NCOA1: variants seen among roughly 807,000 people sequenced by gnomAD.
NCOA1 encodes the protein Hin-2 protein.
A neutral mutation model predicts 150.9 loss-of-function variants in NCOA1; 35 were observed. The observed-to-expected ratio is 0.23, with a 90% CI of 0.18 to 0.31. The LOEUF (loss-of-function observed/expected upper bound fraction) is 0.31. Among genes scored for constraint, NCOA1 ranks in the 10% least tolerant of loss-of-function variants. The pLI, the probability that NCOA1 is intolerant of heterozygous loss-of-function variation, is 1.00. For missense variants in NCOA1, 1,491 were observed against 1,749.3 expected, an observed-to-expected ratio of 0.85 and a Z score of 2.63; for synonymous variants, 590 against 630.0, an observed-to-expected ratio of 0.94 and a Z score of 0.95.
intron 12 of NCOA1, 71 bp from the exon 13 acceptor site, chr2:24,706,497 A>G: frequency 6.9e-7 from 1 of 1,452,838 alleles, no homozygotes; most frequent in Non-Finnish European, 9.2e-7. Context: ...TTGTTTTAGA[A>G]TATGTATCAT....
intron 1 of NCOA1, among the ~76,000 whole-genome samples, chr2:24,540,486 T>G (rs1471309396): frequency 1.3e-5 from 2 of 151,684 alleles, no homozygotes; most frequent in Non-Finnish European, 1.5e-5. Flanking sequence ...GAGACGGAGT[T>G]TCGCTTTTGT....
intron 1 of NCOA1, among the ~76,000 whole-genome samples, chr2:24,551,663 G>C (rs1665836864): frequency 6.6e-6 from 1 of 152,088 alleles, no homozygotes; most frequent in Non-Finnish European, 1.5e-5. Flanking sequence ...TGGCAGAGTT[G>C]GGTAGTTTCA....
intron 2 of NCOA1, among the ~76,000 whole-genome samples, chr2:24,576,173 T>C (rs1187126858): frequency 2.4e-5 from 1 of 40,926 alleles, no homozygotes. Flanking sequence ...GTTTTTTGTT[T>C]TTTTTTTTTT....
In NCOA1 at chr2:24,498,962, A is replaced by C. The variant is rs1352144636; in HGVS notation, c.-396+7360A>C. Among the ~76,000 whole-genome samples, 5 of 152,054 alleles carry C rather than the reference A, an allele frequency of 3.3e-5. No homozygotes were observed. In the South Asian group the frequency reaches 1.0e-3, roughly 32 times the overall value. ...ACAGATTATATGGTTTTTTTTTTGA[A>C]TAGAAGTTGGTACAAAATCTTTTTC... is the stretch of plus-strand genomic sequence containing the variant. On this transcript the variant is annotated intron_variant, in intron 1 of 22. Coordinates refer to ENST00000348332, the MANE Select transcript of NCOA1 (RefSeq NM_003743.5).
In NCOA1 at chr2:24,569,822, A is replaced by G. The variant is rs530600463; in HGVS notation, c.-260+5392A>G. On this transcript the variant is annotated intron_variant, in intron 2 of 22. Coordinates refer to ENST00000348332, the MANE Select transcript of NCOA1 (RefSeq NM_003743.5). Reference sequence around the variant, plus strand: ...GGGGCGGAGGTTGCAGTGAGCCAAGATCGCGCCACTGCACTCCAGTCTGGG... The same window carrying G: ...GGGGCGGAGGTTGCAGTGAGCCAAGGTCGCGCCACTGCACTCCAGTCTGGG... 2.7e-5 allele frequency among the ~76,000 whole-genome samples: 4 copies of G among 149,800 alleles called. No individual in the cohort carries two copies. The East Asian group carries it at 7.8e-4, about 29-fold the overall frequency.
At chr2:24,591,202 A>C (rs538041461) in intron 3 of NCOA1, among the ~76,000 whole-genome samples, 1 of 152,230 alleles carries the variant, frequency 6.6e-6, no homozygotes, top group Non-Finnish European at 1.5e-5. Flanking sequence ...GCAAGAAATA[A>C]TTTAAGCACA....
intron 18 of NCOA1, among the ~76,000 whole-genome samples, chr2:24,741,435 C>T (rs1328500469): frequency 6.6e-6 from 1 of 152,148 alleles, no homozygotes; most frequent in Non-Finnish European, 1.5e-5. Context: ...TCATGTTTCT[C>T]TTAACAATGT....
At chr2:24,656,616 TCTC>T (rs1263734573) in intron 4 of NCOA1, among the ~76,000 whole-genome samples, 3 of 152,328 alleles carry the variant, frequency 2.0e-5, no homozygotes, top group African/African-American at 7.2e-5. Context: ...CTGGCTATCC[TCTC>T]CTCCTCACAT....
chr2:24,708,345 G>T (rs1673566731), intron 13 of NCOA1, among the ~76,000 whole-genome samples: 1 of 152,064 alleles, frequency 6.6e-6, no homozygotes, highest in African/African-American at 2.4e-5. Context: ...ATTTCCTAAG[G>T]CTGTTTTTTC....
At chr2:24,520,255 C>T (rs1242363657) in intron 1 of NCOA1, among the ~76,000 whole-genome samples, 1 of 152,036 alleles carries the variant, frequency 6.6e-6, no homozygotes, top group Non-Finnish European at 1.5e-5. Flanking sequence ...AAGCAATTTA[C>T]TTAAGATAAA....
At chr2:24,648,777 T>C (rs1413378846) in intron 4 of NCOA1, among the ~76,000 whole-genome samples, 1 of 152,242 alleles carries the variant, frequency 6.6e-6, no homozygotes, top group East Asian at 1.9e-4. Flanking sequence ...TTAGTGTATT[T>C]ATTTTTCTTT....
At chr2:24,585,382 G>A (rs1281026990) in intron 3 of NCOA1, among the ~76,000 whole-genome samples, 1 of 151,860 alleles carries the variant, frequency 6.6e-6, no homozygotes, top group African/African-American at 2.4e-5. Context: ...ATGTATAGAA[G>A]TTTTGAAATG....
chr2:24,728,257 T>A, intron 15 of NCOA1, 51 bp from the exon 16 acceptor site: 1 of 1,513,920 alleles, frequency 6.6e-7, no homozygotes, highest in Non-Finnish European at 8.9e-7. Context: ...AAAGATTGAA[T>A]AAATTATTTG....
At chr2:24,529,689 C>T (rs776135895) in intron 1 of NCOA1, among the ~76,000 whole-genome samples, 4 of 152,084 alleles carry the variant, frequency 2.6e-5, no homozygotes, top group African/African-American at 7.2e-5. Flanking sequence ...TACCTTTAAC[C>T]GCTTAACTTT....
chr2:24,538,987 A>C (rs1227015784), intron 1 of NCOA1, among the ~76,000 whole-genome samples: 2 of 152,230 alleles, frequency 1.3e-5, no homozygotes, highest in African/African-American at 4.8e-5. Context: ...CAGAGCGTTA[A>C]AATTCAAAGA....
In NCOA1 at chr2:24,706,925, G is replaced by A. The variant is rs201603703; in HGVS notation, c.1455G>A (p.Gln485=). ...AAGGTACAGGAATATCCCTAGCACAGTTCATGTCTCCAAGGAGACAGGTTA... is the reference window on the plus strand; with the variant it reads ...AAGGTACAGGAATATCCCTAGCACAATTCATGTCTCCAAGGAGACAGGTTA... ...PMEGTGISLA[Q]FMSPRRQVTS... is the part of the protein sequence containing the mutation. Residue 485 remains glutamine, a synonymous_variant, in exon 13 of 23, where the codon CAG becomes CAA. Coordinates refer to ENST00000348332, the MANE Select transcript of NCOA1 (RefSeq NM_003743.5). The A allele has an allele frequency of 3.7e-6, 6 of 1,614,136 alleles. No homozygotes were observed. In the African/African-American group the frequency reaches 4.0e-5, roughly 11 times the overall value.
In NCOA1 at chr2:24,742,173, G is replaced by A. The variant is rs552825823; in HGVS notation, c.3693G>A (p.Gln1231=). ...INPQMQQNVF[Q]YPGAGMVPQG... ...CTCAGATGCAGCAGAATGTCTTCCA[G>A]TATCCAGGAGCAGGTAGGAAGGTCA... The change falls in exon 19 of 23, where the codon CAG becomes CAA. Residue 1231 remains glutamine (Q), a synonymous_variant. Transcript: ENST00000348332. 6.2e-7 allele frequency: 1 copy of A among 1,611,672 alleles called. No homozygotes were observed. Among genetic ancestry groups the A allele is most frequent in the South Asian group, 1.1e-5 (1 of 90,708 alleles).
chr2:24,724,494 C>CT (rs1674512893), intron 14 of NCOA1, among the ~76,000 whole-genome samples: 1 of 152,098 alleles, frequency 6.6e-6, no homozygotes, highest in Middle Eastern at 3.2e-3. Context: ...AGCATGCAGT[C>CT]TATCCAAACA....
chr2:24,516,943 CGTATATATACAA>C (rs1392304803), intron 1 of NCOA1, among the ~76,000 whole-genome samples: 1 of 116,848 alleles, frequency 8.6e-6, no homozygotes, highest in African/African-American at 3.3e-5. Flanking sequence ...TATATATATA[CGTATATATACAA>C]GTATATATAC....
Sources: gnomAD v4.1 joint callset for allele counts (sites outside exome capture counted in the v4.1 genomes callset) on GRCh38, gnomAD v4.1.1 for gene constraint, MANE v1.5 for transcripts, NCBI Gene and HGNC (gene_info 2026-07-23, HGNC 2026-07-21) for gene names.